Variants in CEP128 observed in about 807,000 individuals in gnomAD.
CEP128 encodes centrosomal protein 128, also known as centrosomal protein 128kDa.
Under a neutral mutation model 156.7 loss-of-function variants are expected in CEP128, and 132 were observed. The ratio of observed to expected loss-of-function variants is 0.84; its 90% CI spans 0.73 to 0.97. The LOEUF (loss-of-function observed/expected upper bound fraction) is 0.97, where lower values mean the gene tolerates loss of function less well. CEP128 is among the 50% of genes least tolerant of loss of function. The pLI, the probability that CEP128 is intolerant of heterozygous loss-of-function variation, is 0.00. For synonymous variants in CEP128, 469 were observed against 448.9 expected (o/e 1.04, Z -0.57); for missense variants, 1,252 against 1,281.9 (o/e 0.98, Z 0.36).
intron 19 of CEP128, among the ~76,000 whole-genome samples, chr14:80,658,464 A>C (rs1341874229): frequency 6.6e-6 from 1 of 152,190 alleles, no homozygotes; most frequent in Non-Finnish European, 1.5e-5. Flanking sequence ...TCTGATTTCT[A>C]GAAGAGTTGC....
At chr14:80,642,089 C>CAAAAATAAAA (rs770897184) in intron 19 of CEP128, among the ~76,000 whole-genome samples, 2 of 91,486 alleles carry the variant, frequency 2.2e-5, no homozygotes, top group East Asian at 6.4e-4. Context: ...GACTCCGTTT[C>CAAAAATAAAA]AAAAAAAAAA....
intron 19 of CEP128, among the ~76,000 whole-genome samples, chr14:80,734,533 G>A (rs1898432916): frequency 6.6e-6 from 1 of 151,942 alleles, no homozygotes. Flanking sequence ...AGCAATAAAT[G>A]TTAGATGTTA....
intron 23 of CEP128, among the ~76,000 whole-genome samples, chr14:80,517,758 T>C (rs1043868512): frequency 6.6e-5 from 10 of 152,162 alleles, no homozygotes; most frequent in Admixed American, 2.6e-4. Flanking sequence ...GTGAGTGTTA[T>C]AGCTCTACTA....
intron 17 of CEP128, among the ~76,000 whole-genome samples, chr14:80,761,201 C>CT (rs1326192702): frequency 0.033 from 4,510 of 137,910 alleles, 198 homozygotes; most frequent in African/African-American, 0.1. Flanking sequence ...TAAGATTTTT[C>CT]TTTTTTTTTT....
At position 80,674,113 on chromosome 14, in the gene CEP128, C is replaced by T. The variant is rs181136273; in HGVS notation, c.2806+68962G>A. Among the ~76,000 whole-genome samples the T allele has an allele frequency of 8.0e-4, 120 of 150,866 alleles. 1 individual carries two copies. The highest frequency in any genetic ancestry group is 2.8e-3 in the African/African-American group (114 of 40,984). Reference sequence around the variant, plus strand: ...TGGGAAAATGCACATATTTTTGGTACAGAAAACTGGTAATCAGCAAAGTTT... The same window carrying T: ...TGGGAAAATGCACATATTTTTGGTATAGAAAACTGGTAATCAGCAAAGTTT... On this transcript the variant is annotated intron_variant, in intron 19 of 24. Coordinates refer to ENST00000555265, the MANE Select transcript of CEP128 (RefSeq NM_152446.5).
At chr14:80,603,438 C>T (rs529050082) in intron 19 of CEP128, among the ~76,000 whole-genome samples, 1 of 152,228 alleles carries the variant, frequency 6.6e-6, no homozygotes, top group East Asian at 1.9e-4. Context: ...GCTGCATGAC[C>T]TTGTGAATGA....
intron 2 of CEP128, among the ~76,000 whole-genome samples, chr14:80,928,196 A>G (rs1469722031): frequency 1.3e-5 from 2 of 152,228 alleles, no homozygotes; most frequent in East Asian, 3.8e-4. Context: ...AATAAGAAGG[A>G]AACTAGAAAA....
intron 19 of CEP128, among the ~76,000 whole-genome samples, chr14:80,607,823 A>G (rs1398164232): frequency 6.6e-6 from 1 of 152,188 alleles, no homozygotes; most frequent in East Asian, 1.9e-4. Context: ...AGATTATACA[A>G]TAGCTTCCCC....
At chr14:80,620,884 C>T (rs9323690) in intron 19 of CEP128, among the ~76,000 whole-genome samples, 134,993 of 152,230 alleles carry the variant, frequency 0.89, 60,563 homozygotes, top group East Asian at 0.99. Flanking sequence ...ATACAAATAG[C>T]ATGTACTTCC....
intron 14 of CEP128, among the ~76,000 whole-genome samples, chr14:80,482,242 G>A (rs1178742406): frequency 6.6e-6 from 1 of 152,166 alleles, no homozygotes; most frequent in African/African-American, 2.4e-5. Context: ...AGTAGTCACT[G>A]ATTGGTGGTG....
intron 2 of CEP128, among the ~76,000 whole-genome samples, chr14:80,921,313 T>C (rs1482061190): frequency 1.3e-5 from 2 of 151,810 alleles, no homozygotes; most frequent in Non-Finnish European, 2.9e-5. Context: ...ATTCATGGAG[T>C]AATGGATTAG....
Position 80,561,811 on chromosome 14 carries a change from T to G in CEP128, c.2857-2509A>C, listed in dbSNP as rs528661909. ...GAGTACCTTCATTTTACTTAATTTT[T>G]TATTTTAAAGGAAATATGTGCCTAG... On this transcript the variant is annotated intron_variant, in intron 20 of 24. Coordinates refer to ENST00000555265, the MANE Select transcript of CEP128 (RefSeq NM_152446.5). 6.6e-5 allele frequency among the ~76,000 whole-genome samples: 10 copies of G among 152,038 alleles called. No homozygotes were observed. The South Asian group carries it at 1.9e-3, about 28-fold the overall frequency.
chr14:80,929,849 C>T (rs1431848150), intron 2 of CEP128, among the ~76,000 whole-genome samples: 1 of 152,210 alleles, frequency 6.6e-6, no homozygotes, highest in Non-Finnish European at 1.5e-5. Context: ...AAACCACTTA[C>T]ATCCTAAAGC....
intron 18 of CEP128, among the ~76,000 whole-genome samples, chr14:80,746,092 G>T (rs944185683): frequency 5.9e-5 from 9 of 152,048 alleles, no homozygotes; most frequent in African/African-American, 1.9e-4. Context: ...AAAAACTGAA[G>T]ACTAAGTGGG....
chr14:80,604,323 C>T (rs1892695079), intron 19 of CEP128, among the ~76,000 whole-genome samples: 2 of 152,128 alleles, frequency 1.3e-5, no homozygotes, highest in African/African-American at 4.8e-5. Context: ...AGGGATATGC[C>T]TGAGCTGAAT....
At chr14:80,705,240 C>G (rs1181993093) in intron 19 of CEP128, among the ~76,000 whole-genome samples, 3 of 151,894 alleles carry the variant, frequency 2.0e-5, no homozygotes, top group South Asian at 2.1e-4. Flanking sequence ...CCTCTTAAAT[C>G]CCTTTTAATC....
intron 7 of CEP128, 145 bp from the exon 8 acceptor site, chr14:80,895,935 GA>G (rs575344448): frequency 6.6e-4 from 423 of 640,346 alleles, no homozygotes; most frequent in Non-Finnish European, 8.8e-4. Flanking sequence ...GAAACACGTG[GA>G]AGGCTTGTTA....
intron 19 of CEP128, among the ~76,000 whole-genome samples, chr14:80,613,128 T>C (rs868797560): frequency 2.7e-4 from 41 of 150,928 alleles, no homozygotes; most frequent in African/African-American, 1.0e-3. Flanking sequence ...AGTGCTAGGA[T>C]TACAGGAATG....
chr14:80,662,215 T>TA, intron 19 of CEP128, among the ~76,000 whole-genome samples: 2 of 152,294 alleles, frequency 1.3e-5, no homozygotes, highest in Non-Finnish European at 2.9e-5. Flanking sequence ...TTAGTCTAAT[T>TA]AGTTTATGCC....
Sources: allele counts gnomAD v4.1 joint callset (sites outside exome capture counted in the v4.1 genomes callset), GRCh38; gene constraint gnomAD v4.1.1; transcripts MANE v1.5; gene names NCBI Gene and HGNC (gene_info 2026-07-23, HGNC 2026-07-21).